COL4A6: variants seen among roughly 807,000 people sequenced by gnomAD.
COL4A6 encodes the protein collagen alpha-6(IV) chain.
In COL4A6, 59 loss-of-function variants were observed where a neutral mutation model predicts 126.7. That is an observed-to-expected ratio of 0.47 (90% CI 0.38 to 0.58). The LOEUF (loss-of-function observed/expected upper bound fraction) is 0.58, where lower values mean the gene tolerates loss of function less well. Among genes scored for constraint, COL4A6 ranks in the 20% least tolerant of loss-of-function variants. The pLI is 0.00. For missense variants in COL4A6, 1,285 were observed against 1,337.3 expected (o/e 0.96, Z 0.61); for synonymous variants, 547 against 496.6 (o/e 1.10, Z -1.35).
intron 2 of COL4A6, among the ~76,000 whole-genome samples, chrX:108,388,695 T>C (rs1479990377): frequency 2.7e-5 from 3 of 111,314 alleles, no homozygotes; most frequent in South Asian, 7.6e-4. Context: ...TTTTGAAGGG[T>C]TTTTCGTGTC....
intron 2 of COL4A6, among the ~76,000 whole-genome samples, chrX:108,387,559 T>G (rs749937305): frequency 1.1e-4 from 12 of 112,103 alleles, no homozygotes; most frequent in African/African-American, 3.6e-4. Context: ...TTTTGCACAT[T>G]GATTTTGTAT....
chrX:108,392,879 T>C (rs973454748), intron 2 of COL4A6, among the ~76,000 whole-genome samples: 3 of 111,854 alleles, frequency 2.7e-5, no homozygotes, highest in African/African-American at 6.5e-5. Flanking sequence ...TTGTAGCCTA[T>C]AGAACTGTGT....
intron 3 of COL4A6, among the ~76,000 whole-genome samples, chrX:108,289,126 T>C (rs997838078): frequency 5.4e-5 from 6 of 111,487 alleles, no homozygotes; most frequent in Non-Finnish European, 1.1e-4. Context: ...TTTGATTGGA[T>C]TCTGCATTGA....
chrX:108,269,880 A>C (rs1380678739), intron 3 of COL4A6, among the ~76,000 whole-genome samples: 1 of 111,487 alleles, frequency 9.0e-6, no homozygotes, highest in Non-Finnish European at 1.9e-5. Context: ...GTTCAAATGG[A>C]AGAGTAGGTG....
In COL4A6 at chrX:108,286,075, T is replaced by C. The variant is rs531252736; in HGVS notation, c.144+24673A>G. On this transcript the variant is annotated intron_variant, in intron 3 of 44. Transcript: ENST00000334504. ...AGCTCTTTCAGGAGTAGGGTATAAA[T>C]AGGCTGGGTGACCCTGGTTTCTTGG... Among the ~76,000 whole-genome samples, 12 of 111,823 alleles carry C rather than the reference T, an allele frequency of 1.1e-4. No homozygotes were observed. In the East Asian group the frequency reaches 1.1e-3, roughly 11 times the overall value.
chrX:108,388,991 G>A (rs2040768710), intron 2 of COL4A6, among the ~76,000 whole-genome samples: 1 of 111,780 alleles, frequency 8.9e-6, no homozygotes, highest in African/African-American at 3.3e-5. Flanking sequence ...TCATTCAGGA[G>A]CAGGTTGTTC....
chrX:108,192,800 G>A (rs1266720023), intron 17 of COL4A6, among the ~76,000 whole-genome samples: 1 of 112,588 alleles, frequency 8.9e-6, no homozygotes, highest in East Asian at 2.8e-4. Context: ...TTCTGGCCAA[G>A]GCCTGCCTTT....
chrX:108,242,754 G>A (rs891531517), intron 3 of COL4A6, among the ~76,000 whole-genome samples: 4 of 110,454 alleles, frequency 3.6e-5, no homozygotes, highest in African/African-American at 1.3e-4. Flanking sequence ...AATGTGCATG[G>A]CACCTGAGTG....
chrX:108,170,248 G>A (rs2034260516), intron 35 of COL4A6, among the ~76,000 whole-genome samples: 1 of 112,222 alleles, frequency 8.9e-6, no homozygotes, highest in Non-Finnish European at 1.9e-5. Flanking sequence ...GGAGTAAGAT[G>A]GCAGCTCATT....
chrX:108,251,060 G>A (rs1370298211), intron 3 of COL4A6, among the ~76,000 whole-genome samples: 1 of 111,016 alleles, frequency 9.0e-6, no homozygotes, highest in Non-Finnish European at 1.9e-5. Context: ...AGCCAGAAAC[G>A]GGTCACAGGG....
chrX:108,289,465 G>C (rs1428511826), intron 3 of COL4A6, among the ~76,000 whole-genome samples: 1 of 111,414 alleles, frequency 9.0e-6, no homozygotes, highest in Non-Finnish European at 1.9e-5. Context: ...TACTATTCTT[G>C]CAACTTTTCT....
chrX:108,208,642 C>T (rs1405473548), intron 8 of COL4A6, among the ~76,000 whole-genome samples: 1 of 111,395 alleles, frequency 9.0e-6, no homozygotes, highest in East Asian at 2.8e-4. Flanking sequence ...CAAATAACAA[C>T]AATGTTAAAC....
At chrX:108,278,082 C>T (rs1252271698) in intron 3 of COL4A6, among the ~76,000 whole-genome samples, 47 of 111,156 alleles carry the variant, frequency 4.2e-4, no homozygotes, top group African/African-American at 1.4e-3. Context: ...AAAAGCAGAG[C>T]GCCTCTCCTC....
intron 3 of COL4A6, among the ~76,000 whole-genome samples, chrX:108,303,788 G>C (rs914770058): frequency 1.8e-5 from 2 of 111,776 alleles, no homozygotes; most frequent in Non-Finnish European, 3.8e-5. Flanking sequence ...AATTTCAGCT[G>C]TCAGGAGCAT....
rs111228400 is a variant in COL4A6, at chrX:108,283,310, C to T, written c.144+27438G>A. On this transcript the variant is annotated intron_variant, in intron 3 of 44. Coordinates refer to ENST00000334504, the MANE Select transcript of COL4A6 (RefSeq NM_033641.4). The stretch of plus-strand genomic sequence containing the variant: ...AACTAAAGGTCCTTTCCAACTCTAA[C>T]ATTTGATGGTTTATAAGATGGACTG... 5.8e-3 allele frequency among the ~76,000 whole-genome samples: 644 copies of T among 111,450 alleles called. 4 individuals carry two copies. Among genetic ancestry groups the T allele is most frequent in the African/African-American group, 0.019 (598 of 30,683 alleles).
intron 3 of COL4A6, among the ~76,000 whole-genome samples, chrX:108,257,051 T>A (rs1456580704): frequency 9.0e-6 from 1 of 111,509 alleles, no homozygotes; most frequent in African/African-American, 3.3e-5. Context: ...CTCAAAGAAC[T>A]GGAAAAGGCA....
At position 108,157,099 on chromosome X, in the gene COL4A6, C is replaced by T. The variant is rs780999356; in HGVS notation, c.4974G>A (p.Glu1658=). 2 of 1,211,830 alleles carry T rather than the reference C, an allele frequency of 1.7e-6. No individual in the cohort carries two copies. The highest frequency in any genetic ancestry group is 2.2e-5 in the Admixed American group (1 of 46,060). ...KYSFWLTTVE[E]RQQFGELPVS... The stretch of plus-strand genomic sequence containing the variant: ...CAGGCAACTCCCCAAACTGCTGCCT[C>T]TCCTCCACTGTGGTCAACCAGAAAC... The change falls in exon 45 of 45, where the codon GAG becomes GAA. Residue 1658 remains glutamate (E), a synonymous_variant. Transcript: ENST00000334504.
intron 3 of COL4A6, among the ~76,000 whole-genome samples, chrX:108,266,140 G>A (rs893844379): frequency 1.5e-4 from 17 of 111,644 alleles, no homozygotes; most frequent in Non-Finnish European, 2.1e-4. Flanking sequence ...AAAGCTTGAA[G>A]TGAACTTGGC....
chrX:108,271,372 A>T (rs960220303), intron 3 of COL4A6, among the ~76,000 whole-genome samples: 5 of 112,547 alleles, frequency 4.4e-5, no homozygotes, highest in Non-Finnish European at 7.5e-5. Context: ...TATGCTTCAC[A>T]ATTTACTTCA....
Sources: gnomAD v4.1 joint callset for allele counts (sites outside exome capture counted in the v4.1 genomes callset) on GRCh38, gnomAD v4.1.1 for gene constraint, MANE v1.5 for transcripts, NCBI Gene and HGNC (gene_info 2026-07-23, HGNC 2026-07-21) for gene names.